RGS3: variants seen among roughly 807,000 people sequenced by gnomAD.
The protein encoded by RGS3 is regulator of G-protein signalling 3.
In RGS3, 80 loss-of-function variants were observed where a neutral mutation model predicts 132.6. The observed-to-expected ratio is 0.60, with a 90% confidence interval of 0.50 to 0.73. RGS3 has a LOEUF of 0.73. RGS3 is among the 30% of genes least tolerant of loss of function. The pLI is 0.00. For synonymous variants in RGS3, 598 were observed against 620.6 expected (o/e 0.96, Z 0.54); for missense variants, 1,382 against 1,530.8 (o/e 0.90, Z 1.62).
intron 8 of RGS3, 50 bp downstream of exon 6, chr9:113,495,896 T>A: frequency 2.7e-6 from 4 of 1,496,324 alleles, no homozygotes; most frequent in Non-Finnish European, 3.7e-6. Context: ...GGGCCGGGGC[T>A]GGTACAGGCA....
intron 17 of RGS3, among the ~76,000 whole-genome samples, chr9:113,527,109 G>A (rs1435138824): frequency 6.6e-6 from 1 of 152,244 alleles, no homozygotes; most frequent in African/African-American, 2.4e-5. Context: ...GAGAAAGTTT[G>A]CAGTAATGCA....
intron 7 of RGS3, among the ~76,000 whole-genome samples, chr9:113,488,852 G>A (rs1019462726): frequency 1.3e-5 from 2 of 152,306 alleles, no homozygotes; most frequent in Non-Finnish European, 2.9e-5. Context: ...CTCCTTTATC[G>A]ATCCATTTCG....
At chr9:113,503,825 C>T (rs919434623) in intron 10 of RGS3, among the ~76,000 whole-genome samples, 5 of 152,196 alleles carry the variant, frequency 3.3e-5, no homozygotes, top group African/African-American at 1.2e-4. Context: ...TGGCGTCTTC[C>T]CTGGCCTCAG....
chr9:113,462,435 T>C (rs1475215152), intron 3 of RGS3, among the ~76,000 whole-genome samples: 1 of 152,202 alleles, frequency 6.6e-6, no homozygotes, highest in Non-Finnish European at 1.5e-5. Context: ...CAGTTTCTGC[T>C]CCTCGCTGGT....
intron 19 of RGS3, chr9:113,541,946 C>A: frequency 1.2e-6 from 1 of 837,862 alleles, no homozygotes; most frequent in African/African-American, 1.8e-5. Flanking sequence ...GAGAAAAAGT[C>A]GGATATGGTC....
rs1459151860 is a variant in RGS3 at position 113,506,155 on chromosome 9, G to A, written c.980-233G>A. Among the ~76,000 whole-genome samples, 1 of 152,056 alleles carries A rather than the reference G, an allele frequency of 6.6e-6. No individual in the cohort carries two copies. The highest frequency in any genetic ancestry group is 1.5e-5 in the Non-Finnish European group (1 of 68,000). On this transcript the variant is annotated intron_variant, in intron 11 of 24. Transcript: ENST00000350696. The surrounding 1 kb of genome is among the most constrained non-coding windows in gnomAD (Gnocchi z 4.7). ...ACTGCAGAGAGGTAAGCCAGCAGTA[G>A]GGGAGGTAAGCCAGCAGTAGGGGAG... is the stretch of plus-strand genomic sequence containing the variant.
At chr9:113,470,763 G>A (rs748506932) in intron 3 of RGS3, among the ~76,000 whole-genome samples, 25 of 152,088 alleles carry the variant, frequency 1.6e-4, no homozygotes, top group Non-Finnish European at 2.8e-4. Flanking sequence ...CCAGAAGTTC[G>A]AGACCAGTGT....
At chr9:113,486,976 C>T (rs553897532) in intron 7 of RGS3, among the ~76,000 whole-genome samples, 35 of 151,236 alleles carry the variant, frequency 2.3e-4, no homozygotes, top group African/African-American at 7.7e-4. Flanking sequence ...ACTTTCCTAT[C>T]GGATCACCGA....
exon 24 of RGS3, chr9:113,595,747 G>A (rs756492053): frequency 5.0e-6 from 8 of 1,613,956 alleles, no homozygotes; most frequent in South Asian, 1.1e-5. Context: ...AATACATCGC[G>A]ATCCAGGCAT....
At chr9:113,522,103 C>T (rs1029695474) in intron 16 of RGS3, among the ~76,000 whole-genome samples, 4 of 152,158 alleles carry the variant, frequency 2.6e-5, no homozygotes, top group Admixed American at 1.3e-4. Context: ...ATATGCTGAG[C>T]GTGCCTGTTG....
intron 9 of RGS3, 100 bp downstream of exon 7, chr9:113,497,504 T>C: frequency 1.0e-6 from 1 of 965,650 alleles, no homozygotes; most frequent in Non-Finnish European, 1.6e-6. Flanking sequence ...CCCCTGCTAC[T>C]GAGAATGCTA....
rs1388853396 is a variant in RGS3 at position 113,537,805 on chromosome 9, T to TG, written c.2037+893dup. 2.0e-5 allele frequency among the ~76,000 whole-genome samples: 3 copies of TG among 152,054 alleles called. No homozygotes were observed. The highest frequency in any genetic ancestry group is 1.9e-4 in the East Asian group (1 of 5,188). On this transcript the variant is annotated intron_variant, in intron 19 of 24. Coordinates refer to ENST00000350696, the Ensembl canonical transcript of RGS3. The surrounding 1 kb of genome is among the most constrained non-coding windows in gnomAD (Gnocchi z 4.3). Reference sequence around the variant, plus strand: ...GCAGCAGGCCTATGCAGGGGGCAGTTGGGGGGCAGGCCTGCTGAAGCAGGA... The same window carrying TG: ...GCAGCAGGCCTATGCAGGGGGCAGTTGGGGGGGCAGGCCTGCTGAAGCAGGA...
intron 19 of RGS3, chr9:113,570,068 C>G (rs1328661107): frequency 6.6e-6 from 1 of 152,212 alleles, no homozygotes; most frequent in Non-Finnish European, 1.5e-5. Flanking sequence ...GGAAGGATCT[C>G]TCCTACCTTA....
chr9:113,588,294 A>T (rs894733634), intron 20 of RGS3, among the ~76,000 whole-genome samples: 2 of 152,204 alleles, frequency 1.3e-5, no homozygotes, highest in Non-Finnish European at 2.9e-5. Context: ...AGCCTAAAGA[A>T]TTATTTCGGA....
At chr9:113,486,820 C>A (rs970886499) in intron 7 of RGS3, among the ~76,000 whole-genome samples, 1 of 152,166 alleles carries the variant, frequency 6.6e-6, no homozygotes, top group African/African-American at 2.4e-5. Flanking sequence ...ACATACAAAA[C>A]GAAGGATTTC....
chr9:113,465,371 G>T (rs139913685), intron 3 of RGS3, among the ~76,000 whole-genome samples: 1 of 151,922 alleles, frequency 6.6e-6, no homozygotes, highest in African/African-American at 2.4e-5. Flanking sequence ...CTTGTAATCT[G>T]ACTTCCCAGG....
intron 7 of RGS3, among the ~76,000 whole-genome samples, chr9:113,486,022 T>C (rs1456405998): frequency 6.6e-6 from 1 of 152,100 alleles, no homozygotes. Context: ...TGGAGAGAAA[T>C]TACAATAACA....
intron 19 of RGS3, among the ~76,000 whole-genome samples, chr9:113,549,819 TA>T (rs1301398145): frequency 2.0e-5 from 3 of 151,996 alleles, no homozygotes; most frequent in African/African-American, 7.3e-5. Context: ...GTGCTTTATT[TA>T]AGTAATCTTC....
chr9:113,500,120 A>G (rs1830823570), intron 10 of RGS3, among the ~76,000 whole-genome samples: 1 of 152,170 alleles, frequency 6.6e-6, no homozygotes, highest in Non-Finnish European at 1.5e-5. Context: ...TTCTGCACAC[A>G]GGCCCTGAGC....
Sources: allele counts gnomAD v4.1 joint callset (sites outside exome capture counted in the v4.1 genomes callset), GRCh38; gene constraint gnomAD v4.1.1; non-coding constraint Gnocchi (gnomAD v3.1); transcripts MANE v1.5; gene names NCBI Gene and HGNC (gene_info 2026-07-23, HGNC 2026-07-21).